UTRN: variants seen among roughly 807,000 people sequenced by gnomAD.
UTRN encodes the protein dystrophin-related protein 1.
A neutral mutation model predicts 463.9 loss-of-function variants in UTRN; 283 were observed. The observed-to-expected ratio is 0.61, with a 90% CI of 0.55 to 0.67. UTRN has a LOEUF of 0.67. UTRN is among the 30% of genes least tolerant of loss of function. The pLI is 0.00. For missense variants in UTRN, 3,922 were observed against 4,084.3 expected (o/e 0.96, Z 1.08); for synonymous variants, 1,442 against 1,431.5 (o/e 1.01, Z -0.17).
At chr6:144,753,716 AATTAACCCGGC>A (rs1042259423) in intron 56 of UTRN, among the ~76,000 whole-genome samples, 2 of 151,764 alleles carry the variant, frequency 1.3e-5, no homozygotes, top group African/African-American at 4.8e-5. Flanking sequence ...AAAAAAAAAA[AATTAACCCGGC>A]ATGATTGCAC....
At chr6:144,325,615 A>G (rs1562251050) in intron 2 of UTRN, among the ~76,000 whole-genome samples, 1 of 152,244 alleles carries the variant, frequency 6.6e-6, no homozygotes, top group African/African-American at 2.4e-5. Context: ...TACTGGGAGT[A>G]CAGTATAGTT....
chr6:144,644,068 T>C (rs1778051218), intron 51 of UTRN, among the ~76,000 whole-genome samples: 2 of 152,202 alleles, frequency 1.3e-5, no homozygotes, highest in South Asian at 4.1e-4. Context: ...CAGGGAAATA[T>C]ATGAATAAGA....
At chr6:144,436,821 AATAT>A (rs993008652) in intron 10 of UTRN, among the ~76,000 whole-genome samples, 1 of 142,206 alleles carries the variant, frequency 7.0e-6, no homozygotes, top group Non-Finnish European at 1.5e-5. Context: ...AATAAAAATA[AATAT>A]ATATTTTATT....
At chr6:144,502,025 T>G (rs1018330666) in intron 34 of UTRN, among the ~76,000 whole-genome samples, 1 of 152,166 alleles carries the variant, frequency 6.6e-6, no homozygotes, top group Non-Finnish European at 1.5e-5. Flanking sequence ...CTGTTCTGAT[T>G]ATCAATGCTT....
chr6:144,589,517 A>G (rs1012785039), intron 51 of UTRN, among the ~76,000 whole-genome samples: 4 of 152,298 alleles, frequency 2.6e-5, no homozygotes, highest in Admixed American at 2.6e-4. Flanking sequence ...TTCAATAGCC[A>G]GTGTCTCTCT....
At chr6:144,560,225 C>T (rs184506523) in intron 50 of UTRN, among the ~76,000 whole-genome samples, 1 of 152,106 alleles carries the variant, frequency 6.6e-6, no homozygotes, top group Non-Finnish European at 1.5e-5. Context: ...GGAATTCAAG[C>T]TTGACTGGCA....
At chr6:144,808,057 A>G (rs1433916069) in intron 65 of UTRN, among the ~76,000 whole-genome samples, 1 of 151,736 alleles carries the variant, frequency 6.6e-6, no homozygotes, top group Non-Finnish European at 1.5e-5. Context: ...AGGGAAATAC[A>G]CACACACACA....
At position 144,827,622 on chromosome 6, in the gene UTRN, C is replaced by A. The variant is rs149562148; in HGVS notation, c.9545C>A (p.Ser3182Tyr). Residue 3182 changes from serine to tyrosine, a missense_variant, in exon 68 of 75, where the codon TCT (serine) becomes TAT (tyrosine). Ser to Tyr is a moderately radical substitution (Grantham distance 144). Transcript: ENST00000367545. ...TTTTTCTTTTAAAGCCCCTCACAAT[C>A]TCCTCAACTGTTTCATGATGACACC... is the stretch of plus-strand genomic sequence containing the variant. ...MWPEHYDPSQSPQLFHDDTHS... is the reference protein window; with the variant it reads ...MWPEHYDPSQYPQLFHDDTHS... 1.2e-6 allele frequency: 2 copies of A among 1,613,406 alleles called. No homozygotes were observed. Among genetic ancestry groups the A allele is most frequent in the African/African-American group, 1.3e-5 (1 of 74,832 alleles).
chr6:144,833,346 A>G (rs888620529), intron 69 of UTRN, among the ~76,000 whole-genome samples: 5 of 152,206 alleles, frequency 3.3e-5, no homozygotes, highest in Non-Finnish European at 7.3e-5. Flanking sequence ...TGGACATTTA[A>G]TATTATGGAA....
intron 51 of UTRN, among the ~76,000 whole-genome samples, chr6:144,614,904 A>G (rs1805915700): frequency 6.6e-6 from 1 of 152,156 alleles, no homozygotes; most frequent in Non-Finnish European, 1.5e-5. Flanking sequence ...AAACAAAGAT[A>G]ACGTGTAGCT....
At chr6:144,537,857 T>C in intron 44 of UTRN, 140 bp downstream of exon 44, 1 of 1,246,938 alleles carries the variant, frequency 8.0e-7, no homozygotes, top group Admixed American at 3.0e-5. Flanking sequence ...AAGAGGAATA[T>C]CTTTTATTTT....
intron 64 of UTRN, among the ~76,000 whole-genome samples, chr6:144,800,792 ATTTCCAT>A (rs1777635703): frequency 6.6e-6 from 1 of 152,190 alleles, no homozygotes. Flanking sequence ...GTTGTTGAAC[ATTTCCAT>A]TAAGTGGAAA....
intron 2 of UTRN, among the ~76,000 whole-genome samples, chr6:144,306,014 G>A (rs1240145245): frequency 6.6e-6 from 1 of 152,130 alleles, no homozygotes; most frequent in Non-Finnish European, 1.5e-5. Context: ...CAATTTCTAG[G>A]AGCAGTATTC....
intron 54 of UTRN, among the ~76,000 whole-genome samples, chr6:144,743,733 C>T (rs1790363213): frequency 6.6e-6 from 1 of 152,074 alleles, no homozygotes; most frequent in African/African-American, 2.4e-5. Flanking sequence ...GAGAGCGTGG[C>T]ATAAATGCTG....
chr6:144,579,375 A>G (rs1202206835), intron 51 of UTRN, among the ~76,000 whole-genome samples: 2 of 126,820 alleles, frequency 1.6e-5, no homozygotes, highest in Non-Finnish European at 3.1e-5. Flanking sequence ...ACAGTTAGTT[A>G]ACTTATGCAA....
At chr6:144,531,271 A>G in intron 42 of UTRN, 69 bp downstream of exon 42, 1 of 1,376,538 alleles carries the variant, frequency 7.3e-7, no homozygotes, top group East Asian at 2.4e-5. Context: ...GACAGATTTC[A>G]GAAGTAGGGA....
intron 23 of UTRN, among the ~76,000 whole-genome samples, chr6:144,465,714 C>T (rs1789888098): frequency 6.6e-6 from 1 of 152,070 alleles, no homozygotes; most frequent in South Asian, 2.1e-4. Context: ...ATTCCACACC[C>T]TCAAATTATT....
intron 60 of UTRN, among the ~76,000 whole-genome samples, chr6:144,777,402 C>G (rs1775423704): frequency 6.6e-6 from 1 of 152,074 alleles, no homozygotes; most frequent in Non-Finnish European, 1.5e-5. Context: ...ATATGTAGTT[C>G]AAACCCATGC....
At chr6:144,325,577 T>C (rs6924797) in intron 2 of UTRN, among the ~76,000 whole-genome samples, 16,136 of 152,174 alleles carry the variant, frequency 0.11, 2,523 homozygotes, top group African/African-American at 0.33. Flanking sequence ...CTCCCATCGC[T>C]GATCAGCCAC....
Sources: allele counts gnomAD v4.1 joint callset (sites outside exome capture counted in the v4.1 genomes callset), GRCh38; gene constraint gnomAD v4.1.1; transcripts MANE v1.5; gene names NCBI Gene and HGNC (gene_info 2026-07-23, HGNC 2026-07-21).